GNA14: variants seen among roughly 807,000 people sequenced by gnomAD.
GNA14 encodes the protein G protein subunit alpha 14, also known as guanine nucleotide-binding protein subunit alpha-14.
In GNA14, 50 loss-of-function variants were observed where a neutral mutation model predicts 42.0. The ratio of observed to expected loss-of-function variants is 1.19; its 90% CI spans 0.95 to 1.51. The LOEUF is 1.51. Among genes scored for constraint, GNA14 ranks in the 40% most tolerant of loss-of-function variants. The probability of loss-of-function intolerance (pLI) is 0.00; values close to 1 mark genes in which losing one functional copy is unlikely to be tolerated. For synonymous variants in GNA14, 173 were observed against 163.1 expected (o/e 1.06, Z -0.46); for missense variants, 473 against 446.2 (o/e 1.06, Z -0.54).
intron 1 of GNA14, among the ~76,000 whole-genome samples, chr9:77,619,989 G>C (rs754346730): frequency 6.6e-6 from 1 of 151,966 alleles, no homozygotes; most frequent in South Asian, 2.1e-4. Flanking sequence ...AGAGAACAAA[G>C]AAATATAAAG....
intron 4 of GNA14, among the ~76,000 whole-genome samples, chr9:77,431,103 G>T (rs1425367488): frequency 6.6e-6 from 1 of 151,122 alleles, no homozygotes; most frequent in Non-Finnish European, 1.5e-5. Context: ...CCAGTTTCCA[G>T]TAAGGAAACC....
At chr9:77,600,049 T>C (rs1004981012) in intron 1 of GNA14, among the ~76,000 whole-genome samples, 2 of 152,080 alleles carry the variant, frequency 1.3e-5, no homozygotes, top group Non-Finnish European at 2.9e-5. Context: ...TAAAACATCA[T>C]TTGTACACCA....
chr9:77,480,834 T>C (rs1014860879), intron 2 of GNA14, among the ~76,000 whole-genome samples: 1 of 152,254 alleles, frequency 6.6e-6, no homozygotes, highest in African/African-American at 2.4e-5. Flanking sequence ...TTTATTTGCA[T>C]AGAGGTGTTT....
chr9:77,575,558 T>A (rs552125221), intron 1 of GNA14, among the ~76,000 whole-genome samples: 1 of 152,326 alleles, frequency 6.6e-6, no homozygotes, highest in Non-Finnish European at 1.5e-5. Context: ...AGATTTTTTT[T>A]AAACTACTGA....
chr9:77,585,611 G>A (rs2117871458), intron 1 of GNA14, among the ~76,000 whole-genome samples: 1 of 152,286 alleles, frequency 6.6e-6, no homozygotes, highest in African/African-American at 2.4e-5. Context: ...ATCTCTGAAT[G>A]TGACCTGCTT....
In GNA14 at chr9:77,479,219, C is replaced by T. The variant is rs575239466; in HGVS notation, c.310-44697G>A. Reference sequence around the variant, plus strand: ...TTTGTATAAGGTGTAAGGAAGGGATCCAGTTTCAGCTTTCTACATATGGCG... The same window carrying T: ...TTTGTATAAGGTGTAAGGAAGGGATTCAGTTTCAGCTTTCTACATATGGCG... On this transcript the variant is annotated intron_variant, in intron 2 of 6. Coordinates refer to ENST00000341700, the MANE Select transcript of GNA14 (RefSeq NM_004297.4). Among the ~76,000 whole-genome samples, 233 of 152,264 alleles carry T rather than the reference C, an allele frequency of 1.5e-3. 3 individuals carry two copies. The South Asian group carries it at 0.022, about 14-fold the overall frequency.
chr9:77,637,305 C>T (rs1564072479), intron 1 of GNA14, among the ~76,000 whole-genome samples: 1 of 152,088 alleles, frequency 6.6e-6, no homozygotes, highest in East Asian at 1.9e-4. Context: ...TCACTGTCTC[C>T]TTTACCTTGA....
At chr9:77,457,859 A>G (rs1413152427) in intron 2 of GNA14, among the ~76,000 whole-genome samples, 1 of 151,996 alleles carries the variant, frequency 6.6e-6, no homozygotes. Context: ...AGAATCATCC[A>G]ACAACATTCC....
intron 2 of GNA14, among the ~76,000 whole-genome samples, chr9:77,511,140 G>A (rs1036992102): frequency 1.3e-5 from 2 of 151,780 alleles, no homozygotes; most frequent in Non-Finnish European, 2.9e-5. Flanking sequence ...ATCATCTTAT[G>A]AAATCCCAGA....
At chr9:77,523,261 C>G (rs1043936045) in intron 2 of GNA14, among the ~76,000 whole-genome samples, 1 of 152,124 alleles carries the variant, frequency 6.6e-6, no homozygotes, top group African/African-American at 2.4e-5. Flanking sequence ...GGAGGCTGTA[C>G]AGGAAGCAGG....
intron 1 of GNA14, among the ~76,000 whole-genome samples, chr9:77,604,285 T>C (rs1823616476): frequency 6.6e-6 from 1 of 152,212 alleles, no homozygotes; most frequent in Non-Finnish European, 1.5e-5. Context: ...TCCTGTGCTT[T>C]GTATTTAGAG....
Position 77,647,724 on chromosome 9 carries a change from G to T in GNA14, c.70C>A (p.Gln24Lys), listed in dbSNP as rs771496591. 1 of 1,610,292 alleles carries T rather than the reference G, an allele frequency of 6.2e-7. No individual in the cohort carries two copies. Among genetic ancestry groups the T allele is most frequent in the East Asian group, 2.2e-5 (1 of 44,762 alleles). ...SQRISAEIER[Q>K]LRRDKKDARR... ...GCGTCCTTCTTGTCCCGACGAAGCT[G>T]TCGCTCGATCTCCGCGCTGATGCGC... The change falls in exon 1 of 7, where the codon CAG becomes AAG. Residue 24 changes from glutamine (Q) to lysine (K), a missense_variant. Transcript: ENST00000341700.
At chr9:77,487,283 T>C (rs1358433295) in intron 2 of GNA14, among the ~76,000 whole-genome samples, 1 of 152,158 alleles carries the variant, frequency 6.6e-6, no homozygotes, top group African/African-American at 2.4e-5. Flanking sequence ...TTCCATTATT[T>C]TTGGACTGCA....
At chr9:77,450,948 TC>T (rs1835892388) in intron 2 of GNA14, among the ~76,000 whole-genome samples, 1 of 152,120 alleles carries the variant, frequency 6.6e-6, no homozygotes, top group African/African-American at 2.4e-5. Flanking sequence ...CTTTGCTCCT[TC>T]TTCCCCTTCC....
intron 1 of GNA14, among the ~76,000 whole-genome samples, chr9:77,532,040 C>G (rs1837536856): frequency 6.6e-6 from 1 of 152,054 alleles, no homozygotes; most frequent in African/African-American, 2.4e-5. Context: ...CACACAGCAC[C>G]GAGGGCTGAG....
chr9:77,538,363 C>T (rs191811003), intron 1 of GNA14, among the ~76,000 whole-genome samples: 72 of 152,206 alleles, frequency 4.7e-4, no homozygotes, highest in African/African-American at 1.2e-3. Flanking sequence ...TGTGAGGCAT[C>T]GCTTCTGACC....
chr9:77,581,269 G>A (rs1224382862), intron 1 of GNA14, among the ~76,000 whole-genome samples: 1 of 152,166 alleles, frequency 6.6e-6, no homozygotes, highest in Non-Finnish European at 1.5e-5. Flanking sequence ...CTGCCATCTT[G>A]TAAGAATTAT....
intron 2 of GNA14, among the ~76,000 whole-genome samples, chr9:77,490,571 G>A (rs1038907115): frequency 7.9e-5 from 12 of 152,254 alleles, no homozygotes; most frequent in African/African-American, 1.4e-4. Flanking sequence ...AACACAGCGC[G>A]GGTGGGCTGG....
intron 2 of GNA14, among the ~76,000 whole-genome samples, chr9:77,483,173 A>C (rs1411496367): frequency 6.6e-6 from 1 of 151,774 alleles, no homozygotes; most frequent in Non-Finnish European, 1.5e-5. Context: ...TTTTTTCCCC[A>C]TCTTTGTGGT....
Sources: gnomAD v4.1 joint callset for allele counts (sites outside exome capture counted in the v4.1 genomes callset) on GRCh38, gnomAD v4.1.1 for gene constraint, MANE v1.5 for transcripts, NCBI Gene and HGNC (gene_info 2026-07-23, HGNC 2026-07-21) for gene names.